TMEM132D: variants seen among roughly 807,000 people sequenced by gnomAD.
The protein encoded by TMEM132D is mature OL transmembrane protein.
Under a neutral mutation model 62.3 loss-of-function variants are expected in TMEM132D, and 21 were observed. The ratio of observed to expected loss-of-function variants is 0.34; its 90% CI spans 0.24 to 0.49. The LOEUF is 0.49. Ranked by LOEUF, TMEM132D falls within the 20% of genes least tolerant of loss-of-function variation. The probability of loss-of-function intolerance (pLI) is 0.99; values close to 1 mark genes in which losing one functional copy is unlikely to be tolerated. For synonymous variants in TMEM132D, 621 were observed against 575.6 expected, an observed-to-expected ratio of 1.08 and a Z score of -1.13; for missense variants, 1,346 against 1,402.8, an observed-to-expected ratio of 0.96 and a Z score of 0.65.
At chr12:129,830,073 A>G (rs1033050882) in intron 1 of TMEM132D, among the ~76,000 whole-genome samples, 1 of 152,182 alleles carries the variant, frequency 6.6e-6, no homozygotes, top group Admixed American at 6.5e-5. Context: ...TTCCTTAGAC[A>G]CAGTGCATTT....
chr12:129,573,774 A>C (rs1055144656), intron 2 of TMEM132D, among the ~76,000 whole-genome samples: 4 of 149,720 alleles, frequency 2.7e-5, no homozygotes, highest in African/African-American at 1.0e-4. Context: ...GAAAGATAAC[A>C]GTGTCTTCCA....
intron 1 of TMEM132D, among the ~76,000 whole-genome samples, chr12:129,710,626 A>G (rs950453289): frequency 3.9e-5 from 6 of 152,134 alleles, no homozygotes; most frequent in African/African-American, 1.4e-4. Context: ...ATTATGCAAA[A>G]TATCTCTTGC....
intron 5 of TMEM132D, among the ~76,000 whole-genome samples, chr12:129,181,918 CT>C (rs1277857906): frequency 6.6e-6 from 1 of 152,162 alleles, no homozygotes; most frequent in African/African-American, 2.4e-5. Flanking sequence ...TAGAGACAAA[CT>C]TCTCTGTTTT....
intron 3 of TMEM132D, among the ~76,000 whole-genome samples, chr12:129,433,044 G>A (rs569176429): frequency 1.2e-4 from 19 of 152,130 alleles, no homozygotes; most frequent in South Asian, 6.2e-4. Context: ...TTTGTATTTC[G>A]CTCCTTTGTA....
intron 4 of TMEM132D, among the ~76,000 whole-genome samples, chr12:129,312,488 A>C: frequency 6.6e-6 from 1 of 152,238 alleles, no homozygotes. Flanking sequence ...TTCATTCATT[A>C]ACGTATTTAT....
At chr12:129,897,269 C>A (rs1875173452) in intron 1 of TMEM132D, among the ~76,000 whole-genome samples, 1 of 152,210 alleles carries the variant, frequency 6.6e-6, no homozygotes, top group Non-Finnish European at 1.5e-5. Context: ...CGTCAAACAT[C>A]AAAATCAACA....
At chr12:129,326,249 C>A (rs1263008114) in intron 4 of TMEM132D, among the ~76,000 whole-genome samples, 4 of 152,078 alleles carry the variant, frequency 2.6e-5, no homozygotes, top group Non-Finnish European at 5.9e-5. Context: ...TTTAGGGAAC[C>A]CTTCATTCAA....
intron 4 of TMEM132D, among the ~76,000 whole-genome samples, chr12:129,335,820 A>C (rs771758995): frequency 2.6e-5 from 4 of 152,364 alleles, no homozygotes; most frequent in Admixed American, 6.5e-5. Flanking sequence ...TGGCTATATA[A>C]CTAAGTTTTG....
At chr12:129,271,973 G>A (rs562608151) in intron 4 of TMEM132D, among the ~76,000 whole-genome samples, 41 of 151,942 alleles carry the variant, frequency 2.7e-4, no homozygotes, top group African/African-American at 9.0e-4. Flanking sequence ...CTAGATCTTT[G>A]AGGAATTGCC....
chr12:129,701,698 T>C (rs1411466418), intron 1 of TMEM132D, among the ~76,000 whole-genome samples: 1 of 152,128 alleles, frequency 6.6e-6, no homozygotes, highest in African/African-American at 2.4e-5. Flanking sequence ...AAAGAACCAA[T>C]TTAAGGAGTT....
chr12:129,236,134 GTA>G (rs1491402839), intron 4 of TMEM132D, among the ~76,000 whole-genome samples: 13 of 107,368 alleles, frequency 1.2e-4, no homozygotes, highest in Middle Eastern at 4.6e-3. Flanking sequence ...GTGTGTGTGT[GTA>G]TGTGTGTATG....
intron 4 of TMEM132D, among the ~76,000 whole-genome samples, chr12:129,321,599 C>G (rs1352658852): frequency 6.6e-6 from 1 of 152,070 alleles, no homozygotes; most frequent in Non-Finnish European, 1.5e-5. Context: ...CTCTTTCGCC[C>G]AGGCTGGAGT....
At chr12:129,649,864 GTATGTGTGTGCATGTGTGTA>G (rs1879881270) in intron 2 of TMEM132D, among the ~76,000 whole-genome samples, 1 of 151,498 alleles carries the variant, frequency 6.6e-6, no homozygotes, top group African/African-American at 2.4e-5. Context: ...ATATGTGTAT[GTATGTGTGTGCATGTGTGTA>G]TATGTGTGTT....
intron 5 of TMEM132D, among the ~76,000 whole-genome samples, chr12:129,125,988 G>A (rs558760819): frequency 9.6e-4 from 146 of 152,274 alleles, no homozygotes; most frequent in Middle Eastern, 3.4e-3. Context: ...CACATGGTCA[G>A]GCTGGAGAAC....
At chr12:129,739,777 A>G (rs1011277017) in intron 1 of TMEM132D, among the ~76,000 whole-genome samples, 1 of 152,242 alleles carries the variant, frequency 6.6e-6, no homozygotes, top group South Asian at 2.1e-4. Flanking sequence ...GGCAGGAAAT[A>G]TGAGGTCTTC....
At chr12:129,323,037 T>A (rs1397559484) in intron 4 of TMEM132D, among the ~76,000 whole-genome samples, 1 of 152,256 alleles carries the variant, frequency 6.6e-6, no homozygotes, top group African/African-American at 2.4e-5. Flanking sequence ...CAGTGCAGTT[T>A]AAGTATTTCC....
At chr12:129,177,669 G>T (rs1001983244) in intron 5 of TMEM132D, among the ~76,000 whole-genome samples, 10 of 152,124 alleles carry the variant, frequency 6.6e-5, no homozygotes, top group Admixed American at 5.2e-4. Flanking sequence ...GAGGCGGGAG[G>T]ATTGCTTGCA....
chr12:129,216,120 A>G (rs1461916641), intron 4 of TMEM132D, among the ~76,000 whole-genome samples: 3 of 152,178 alleles, frequency 2.0e-5, no homozygotes, highest in Non-Finnish European at 2.9e-5. Context: ...GCTCCAAGCA[A>G]GTTACTTAAC....
intron 2 of TMEM132D, among the ~76,000 whole-genome samples, chr12:129,620,792 G>A (rs1385693870): frequency 2.0e-5 from 3 of 151,876 alleles, no homozygotes; most frequent in Non-Finnish European, 4.4e-5. Flanking sequence ...GGACACATGG[G>A]GGAGAAAAAC....
Sources: allele counts gnomAD v4.1 joint callset (sites outside exome capture counted in the v4.1 genomes callset), GRCh38; gene constraint gnomAD v4.1.1; transcripts MANE v1.5; gene names NCBI Gene and HGNC (gene_info 2026-07-23, HGNC 2026-07-21).